Variants in PPM1H observed in about 807,000 individuals in gnomAD.
PPM1H encodes protein phosphatase, Mg2+/Mn2+ dependent 1H, also known as protein phosphatase 1H.
Under a neutral mutation model 54.9 loss-of-function variants are expected in PPM1H, and 27 were observed. The ratio of observed to expected loss-of-function variants is 0.49; its 90% CI spans 0.36 to 0.68. The LOEUF (loss-of-function observed/expected upper bound fraction) is 0.68, where lower values mean the gene tolerates loss of function less well. PPM1H is among the 30% of genes least tolerant of loss of function. The probability of loss-of-function intolerance (pLI) is 0.00; values close to 1 mark genes in which losing one functional copy is unlikely to be tolerated. For missense variants in PPM1H, 596 were observed against 667.8 expected (o/e 0.89, Z 1.19); for synonymous variants, 305 against 270.8 (o/e 1.13, Z -1.24).
At chr12:62,862,854 C>A (rs1285247903) in intron 1 of PPM1H, among the ~76,000 whole-genome samples, 1 of 152,182 alleles carries the variant, frequency 6.6e-6, no homozygotes, top group African/African-American at 2.4e-5. Context: ...ATTTAACAGA[C>A]ATCATTTCAA....
At chr12:62,780,237 C>T (rs1053665747) in intron 4 of PPM1H, among the ~76,000 whole-genome samples, 2 of 152,094 alleles carry the variant, frequency 1.3e-5, no homozygotes, top group African/African-American at 4.8e-5. Flanking sequence ...ATTAAATTTA[C>T]TGTCTACTTA....
intron 6 of PPM1H, among the ~76,000 whole-genome samples, chr12:62,708,604 A>G (rs779555351): frequency 2.6e-5 from 4 of 152,226 alleles, no homozygotes; most frequent in Non-Finnish European, 5.9e-5. Context: ...TAGTGTACCT[A>G]CTTCTCTGGA....
chr12:62,800,327 T>G (rs1439994968), intron 3 of PPM1H, among the ~76,000 whole-genome samples: 6 of 82,972 alleles, frequency 7.2e-5, no homozygotes, highest in African/African-American at 3.2e-4. Flanking sequence ...ATCTCCAGGT[T>G]TTTTTTTTTT....
chr12:62,701,225 A>T (rs1310144137), intron 6 of PPM1H, among the ~76,000 whole-genome samples: 1 of 152,182 alleles, frequency 6.6e-6, no homozygotes, highest in Non-Finnish European at 1.5e-5. Flanking sequence ...GCTGCTTTCT[A>T]TGTCTGACTA....
At chr12:62,846,457 G>A (rs183791783) in intron 1 of PPM1H, among the ~76,000 whole-genome samples, 214 of 150,692 alleles carry the variant, frequency 1.4e-3, no homozygotes, top group Middle Eastern at 6.8e-3. Flanking sequence ...CCGAGATTGC[G>A]CCACTGCACT....
At chr12:62,650,834 G>A (rs569057066) in intron 9 of PPM1H, among the ~76,000 whole-genome samples, 35 of 152,066 alleles carry the variant, frequency 2.3e-4, no homozygotes, top group Admixed American at 7.9e-4. Flanking sequence ...TGATCTAATT[G>A]CCTCCCACCA....
chr12:62,661,038 G>C (rs539894082), intron 9 of PPM1H, among the ~76,000 whole-genome samples: 2 of 152,174 alleles, frequency 1.3e-5, no homozygotes, highest in South Asian at 4.2e-4. Flanking sequence ...ATGAGATCAT[G>C]GGCCCCTGCT....
chr12:62,694,212 G>C (rs1043504584), intron 6 of PPM1H, among the ~76,000 whole-genome samples: 31 of 152,272 alleles, frequency 2.0e-4, no homozygotes, highest in Admixed American at 4.6e-4. Context: ...TGCTTGAAGA[G>C]GGAGGAAATA....
In PPM1H at chr12:62,786,158, T is replaced by C. The variant is rs201838955; in HGVS notation, c.869+2068A>G. On this transcript the variant is annotated intron_variant, in intron 4 of 9. Coordinates refer to ENST00000228705, the MANE Select transcript of PPM1H (RefSeq NM_020700.2). Reference sequence around the variant, plus strand: ...AGCTGAATCATCCACTCGGTCTTACTCAATTGGAGCAGACAAAGAGCAATG... The same window carrying C: ...AGCTGAATCATCCACTCGGTCTTACCCAATTGGAGCAGACAAAGAGCAATG... 3.5e-3 allele frequency among the ~76,000 whole-genome samples: 528 copies of C among 152,290 alleles called. 2 individuals carry two copies. Among genetic ancestry groups the C allele is most frequent in the African/African-American group, 0.012 (494 of 41,556 alleles).
At chr12:62,892,993 T>G (rs753054634) in intron 1 of PPM1H, among the ~76,000 whole-genome samples, 2 of 152,190 alleles carry the variant, frequency 1.3e-5, no homozygotes, top group Non-Finnish European at 2.9e-5. Flanking sequence ...GAAGTGAGAT[T>G]CTGAGACTTT....
chr12:62,737,533 G>T lies in PPM1H; in HGVS notation c.923C>A (p.Pro308His). 1 of 1,587,680 alleles carries T rather than the reference G, an allele frequency of 6.3e-7. No homozygotes were observed. Among genetic ancestry groups the T allele is most frequent in the Non-Finnish European group, 8.6e-7 (1 of 1,166,138 alleles). Residue 308 changes from proline (P) to histidine (H), a missense_variant, in exon 5 of 10, where the codon CCC (proline) becomes CAC (histidine). Around this residue, in one of 3 missense-constraint regions of PPM1H, gnomAD observed 208 missense variants for 259.5 expected, o/e 0.80. Coordinates refer to ENST00000228705, the MANE Select transcript of PPM1H (RefSeq NM_020700.2). Reference sequence around the variant, plus strand: ...CTGAAGTCGCTGGCGCTCCGTCTCGGGGGTAAATTCTGAAGACATGGGGAT... The same window carrying T: ...CTGAAGTCGCTGGCGCTCCGTCTCGTGGGTAAATTCTGAAGACATGGGGAT... ...EIIPMSSEFT[P>H]ETERQRLQYL...
At chr12:62,932,628 C>CTTTTTTCTTTTTTTTT (rs1872177633) in intron 1 of PPM1H, among the ~76,000 whole-genome samples, 1 of 54,012 alleles carries the variant, frequency 1.9e-5, no homozygotes, top group Non-Finnish European at 3.2e-5. Flanking sequence ...TCCAAATGGG[C>CTTTTTTCTTTTTTTTT]TTTTTTTTTT....
At chr12:62,778,610 A>G (rs1340747684) in intron 4 of PPM1H, among the ~76,000 whole-genome samples, 3 of 152,212 alleles carry the variant, frequency 2.0e-5, no homozygotes, top group African/African-American at 7.2e-5. Context: ...AAGGAAAGAG[A>G]CAAAAATGAA....
At chr12:62,900,106 A>T (rs1220079653) in intron 1 of PPM1H, among the ~76,000 whole-genome samples, 2 of 152,176 alleles carry the variant, frequency 1.3e-5, no homozygotes, top group East Asian at 3.9e-4. Flanking sequence ...AGTCTGTGAT[A>T]TTTTGTTATA....
At chr12:62,769,783 A>T (rs1397418875) in intron 4 of PPM1H, among the ~76,000 whole-genome samples, 1 of 151,472 alleles carries the variant, frequency 6.6e-6, no homozygotes, top group East Asian at 1.9e-4. Flanking sequence ...AATCACAGAA[A>T]CAGTCTGTGA....
chr12:62,889,369 T>TTA (rs1289612742), intron 1 of PPM1H, among the ~76,000 whole-genome samples: 2 of 152,146 alleles, frequency 1.3e-5, no homozygotes, highest in Non-Finnish European at 2.9e-5. Flanking sequence ...ACTTCAAGAC[T>TTA]TATAGCTGGG....
rs1395905240 is a variant in PPM1H, at chr12:62,844,839, C to G, written c.246-12560G>C. Among the ~76,000 whole-genome samples, 2 of 152,220 alleles carry G rather than the reference C, an allele frequency of 1.3e-5. No individual in the cohort carries two copies. The highest frequency in any genetic ancestry group is 4.8e-5 in the African/African-American group (2 of 41,458). ...GTGTTCTAAGCCTGCCTATATATTT[C>G]TTAAAGCTTACAATATTTGGAGTTT... On this transcript the variant is annotated intron_variant, in intron 1 of 9. Transcript: ENST00000228705. This position sits in a 1 kb window ranked among gnomAD's most constrained non-coding sequence, Gnocchi z 5.2.
intron 8 of PPM1H, among the ~76,000 whole-genome samples, chr12:62,673,644 T>C (rs2075968815): frequency 6.6e-6 from 1 of 150,948 alleles, no homozygotes; most frequent in Non-Finnish European, 1.5e-5. Context: ...GAAAGAGGCT[T>C]GCCCTTGTTA....
At position 62,908,042 on chromosome 12, in the gene PPM1H, AT is replaced by A. The variant is rs554309619; in HGVS notation, c.245+26449del. On this transcript the variant is annotated intron_variant, in intron 1 of 9. Transcript: ENST00000228705. The stretch of plus-strand genomic sequence containing the variant: ...AATGTAGTACACAAGATTAAAAAGT[AT>A]TGACGATGAGTACAGGACAATCTCC... Among the ~76,000 whole-genome samples the A allele has an allele frequency of 2.0e-4, 30 of 152,368 alleles. No homozygotes were observed. The East Asian group carries it at 5.4e-3, about 27-fold the overall frequency.
Sources: allele counts gnomAD v4.1 joint callset (sites outside exome capture counted in the v4.1 genomes callset), GRCh38; gene constraint gnomAD v4.1.1; regional missense constraint gnomAD v4.1.1; non-coding constraint Gnocchi (gnomAD v3.1); transcripts MANE v1.5; gene names NCBI Gene and HGNC (gene_info 2026-07-23, HGNC 2026-07-21).